SENP6: variants seen among roughly 807,000 people sequenced by gnomAD.
SENP6 encodes the protein SUMO specific peptidase 6, also known as sentrin-specific protease 6.
A neutral mutation model predicts 134.5 loss-of-function variants in SENP6; 41 were observed. That is an observed-to-expected ratio of 0.30 (90% CI 0.24 to 0.40). The LOEUF (loss-of-function observed/expected upper bound fraction) is 0.40. SENP6 is among the 10% of genes least tolerant of loss of function. The pLI is 1.00. For synonymous variants in SENP6, 395 were observed against 429.8 expected, an observed-to-expected ratio of 0.92 and a Z score of 1.00; for missense variants, 1,248 against 1,312.5, an observed-to-expected ratio of 0.95 and a Z score of 0.76.
chr6:75,630,840 C>CTA lies in SENP6; in HGVS notation c.208-2741_208-2740insTA, dbSNP rs542601748. ...TCTAGACCTCCTAATAGACATAAAA[C>CTA]CATCATTTAAAAAAAAAAATCCGTA... On this transcript the variant is annotated intron_variant, in intron 3 of 23. Coordinates refer to ENST00000447266, the MANE Select transcript of SENP6 (RefSeq NM_015571.4). Among the ~76,000 whole-genome samples, 418 of 133,452 alleles carry CTA rather than the reference C, an allele frequency of 3.1e-3. 2 individuals are homozygous for CTA. The highest frequency in any genetic ancestry group is 1.0e-2 in the South Asian group (42 of 4,210). The allele number at this position is 133,452 out of a possible 152,430, so 87.5% of individuals were successfully genotyped here. A position where few individuals can be genotyped will look rare whatever the true frequency, so the allele number is the denominator to read the frequency against.
intron 9 of SENP6, among the ~76,000 whole-genome samples, chr6:75,664,314 A>G (rs1202110088): frequency 6.6e-6 from 1 of 151,976 alleles, no homozygotes; most frequent in Non-Finnish European, 1.5e-5. Context: ...CTTTCCTTTT[A>G]ATATATACTT....
chr6:75,663,124 G>T, intron 8 of SENP6, 97 bp from the exon 9 acceptor site: 2 of 1,139,552 alleles, frequency 1.8e-6, no homozygotes, highest in Non-Finnish European at 2.5e-6. Context: ...TTGTTCTTTT[G>T]GAACTTAAAG....
Position 75,633,578 on chromosome 6 carries a change from C to T in SENP6, c.208-3C>T. ...ACTCATATTTCTGGATCTTTTTTTA[C>T]AGTTAAATCGTCGATCTGAAATTGT... On this transcript the variant is annotated splice_polypyrimidine_tract_variant and splice_region_variant and intron_variant, in intron 3 of 23. Coordinates refer to ENST00000447266, the MANE Select transcript of SENP6 (RefSeq NM_015571.4). 6.3e-7 allele frequency: 1 copy of T among 1,581,990 alleles called. No individual in the cohort carries two copies. Among genetic ancestry groups the T allele is most frequent in the Non-Finnish European group, 8.6e-7 (1 of 1,168,688 alleles).
chr6:75,606,699 G>A (rs1490631186), intron 1 of SENP6, among the ~76,000 whole-genome samples: 1 of 152,070 alleles, frequency 6.6e-6, no homozygotes, highest in Admixed American at 6.6e-5. Context: ...ACCCCCCTAA[G>A]AAATGCTCAT....
chr6:75,672,417 AAT>A (rs1314783392), intron 11 of SENP6, among the ~76,000 whole-genome samples: 1 of 152,230 alleles, frequency 6.6e-6, no homozygotes, highest in African/African-American at 2.4e-5. Context: ...TAGTTAAAAA[AAT>A]AAAAGGCAGT....
At chr6:75,703,424 A>C (rs995523608) in intron 19 of SENP6, among the ~76,000 whole-genome samples, 7 of 152,194 alleles carry the variant, frequency 4.6e-5, no homozygotes, top group Admixed American at 4.6e-4. Context: ...TTGAACTTTG[A>C]TAAATGTATA....
intron 1 of SENP6, among the ~76,000 whole-genome samples, chr6:75,606,960 A>T (rs1198674914): frequency 2.0e-5 from 3 of 152,194 alleles, no homozygotes; most frequent in Non-Finnish European, 4.4e-5. Flanking sequence ...ATAGGGGAGC[A>T]TGGCATGTTT....
At chr6:75,696,931 TTAATAA>T (rs1242829630) in intron 17 of SENP6, among the ~76,000 whole-genome samples, 5 of 152,170 alleles carry the variant, frequency 3.3e-5, no homozygotes, top group East Asian at 1.9e-4. Context: ...TAATAAATAA[TTAATAA>T]TAATAATATA....
At position 75,663,244 on chromosome 6, in the gene SENP6, A is replaced by G; in HGVS notation, c.720A>G (p.Gln240=). 1 of 1,612,344 alleles carries G rather than the reference A, an allele frequency of 6.2e-7. No individual in the cohort carries two copies. ...AGGATTTGCAAAGAAATTGCAGACA[A>G]GCTATTACTTTGAATGAGTCTACTG... ...HLEDLQRNCR[Q]AITLNESTGP... The change falls in exon 9 of 24, where the codon CAA becomes CAG. Residue 240 remains glutamine, a synonymous_variant. Transcript: ENST00000447266.
chr6:75,675,814 T>G, intron 12 of SENP6, 46 bp from the exon 13 acceptor site: 1 of 1,494,054 alleles, frequency 6.7e-7, no homozygotes, highest in South Asian at 1.3e-5. Flanking sequence ...ATTCATGATA[T>G]TACCCTCTTA....
At chr6:75,702,219 T>C (rs1438451213) in intron 18 of SENP6, among the ~76,000 whole-genome samples, 1 of 83,018 alleles carries the variant, frequency 1.2e-5, no homozygotes, top group African/African-American at 9.7e-5. Flanking sequence ...AAAAATAGGC[T>C]TTTTTTTTTT....
chr6:75,619,895 C>T (rs1768137268), intron 1 of SENP6, among the ~76,000 whole-genome samples: 1 of 151,850 alleles, frequency 6.6e-6, no homozygotes, highest in Non-Finnish European at 1.5e-5. Context: ...AGTTCGAGAC[C>T]AGCCTGGGCA....
chr6:75,712,992 AG>A (rs1217413148), intron 21 of SENP6, among the ~76,000 whole-genome samples: 1 of 152,166 alleles, frequency 6.6e-6, no homozygotes, highest in African/African-American at 2.4e-5. Flanking sequence ...CTGTAGTTAC[AG>A]CTCCTCAGGA....
rs1562008478 is a variant in SENP6, at chr6:75,652,697, A to AAAAAAAAAG, written c.550+4902_550+4903insAAGAAAAAA. On this transcript the variant is annotated intron_variant, in intron 7 of 23. Coordinates refer to ENST00000447266, the MANE Select transcript of SENP6 (RefSeq NM_015571.4). Reference sequence around the variant, plus strand: ...ACTAAAAATCTCAAAAAAAAAAAAAAAAAAAAGAAAAAGAAAAAAAATGCC... The same window carrying AAAAAAAAAG: ...ACTAAAAATCTCAAAAAAAAAAAAAAAAAAAAAAGAAAAAAGAAAAAGAAAAAAAATGCC... Among the ~76,000 whole-genome samples, 8 of 147,908 alleles carry AAAAAAAAAG rather than the reference A, an allele frequency of 5.4e-5. No homozygotes were observed. In the East Asian group the frequency reaches 1.5e-3, roughly 27 times the overall value.
At chr6:75,658,779 C>A (rs1319544855) in intron 7 of SENP6, among the ~76,000 whole-genome samples, 1 of 151,486 alleles carries the variant, frequency 6.6e-6, no homozygotes, top group Non-Finnish European at 1.5e-5. Context: ...GGAAACCAGC[C>A]TGGGCAACAT....
chr6:75,622,810 C>G (rs1349853094), intron 2 of SENP6: 2 of 1,288,758 alleles, frequency 1.6e-6, no homozygotes, highest in African/African-American at 3.0e-5. Flanking sequence ...TGTGCCTTCA[C>G]CGATGAGATG....
chr6:75,620,904 A>G (rs1242194076), intron 1 of SENP6, among the ~76,000 whole-genome samples: 2 of 152,194 alleles, frequency 1.3e-5, no homozygotes, highest in Non-Finnish European at 2.9e-5. Context: ...TAGGGTACCA[A>G]GAGAGAAATG....
chr6:75,675,626 T>A (rs1773028457), intron 12 of SENP6, 158 bp downstream of exon 12: 1 of 686,764 alleles, frequency 1.5e-6, no homozygotes, highest in Admixed American at 3.2e-5. Context: ...GTAATTTCAT[T>A]CAGAAATATC....
chr6:75,691,203 C>T (rs577624460), intron 16 of SENP6, among the ~76,000 whole-genome samples: 30 of 150,446 alleles, frequency 2.0e-4, no homozygotes, highest in Admixed American at 4.0e-4. Context: ...AGAGCAGTGA[C>T]GCAATCACGA....
Sources: allele counts gnomAD v4.1 joint callset (sites outside exome capture counted in the v4.1 genomes callset), GRCh38; gene constraint gnomAD v4.1.1; transcripts MANE v1.5; gene names NCBI Gene and HGNC (gene_info 2026-07-23, HGNC 2026-07-21).